The following CGNL1 variants were observed in gnomAD, a reference collection of about 807,000 sequenced individuals.
The protein encoded by CGNL1 is cingulin like 1, also known as cingulin-like protein 1.
In CGNL1, 132 loss-of-function variants were observed where a neutral mutation model predicts 141.2. The ratio of observed to expected loss-of-function variants is 0.93; its 90% confidence interval spans 0.81 to 1.08. The LOEUF is 1.08. Among genes scored for constraint, CGNL1 ranks in the 50% least tolerant of loss-of-function variants. The pLI, the probability that CGNL1 is intolerant of heterozygous loss-of-function variation, is 0.00. For missense variants in CGNL1, 1,870 were observed against 1,588.6 expected, an observed-to-expected ratio of 1.18 and a Z score of -3.01; for synonymous variants, 690 against 622.1, an observed-to-expected ratio of 1.11 and a Z score of -1.63.
At chr15:57,445,647 A>G (rs2063241425) in intron 4 of CGNL1, among the ~76,000 whole-genome samples, 1 of 152,200 alleles carries the variant, frequency 6.6e-6, no homozygotes, top group South Asian at 2.1e-4. Context: ...TTGTGTTTCT[A>G]ATCATCTTCA....
At chr15:57,421,023 T>G (rs1315481979) in intron 1 of CGNL1, among the ~76,000 whole-genome samples, 1 of 152,150 alleles carries the variant, frequency 6.6e-6, no homozygotes, top group African/African-American at 2.4e-5. Context: ...GATGGGATCT[T>G]TGGGAGGTAA....
chr15:57,426,772 A>C (rs1374462197), intron 1 of CGNL1, among the ~76,000 whole-genome samples: 1 of 152,084 alleles, frequency 6.6e-6, no homozygotes, highest in South Asian at 2.1e-4. Flanking sequence ...AGACACATTC[A>C]TGCTTTGAAA....
intron 8 of CGNL1, among the ~76,000 whole-genome samples, chr15:57,491,041 G>A (rs1163729777): frequency 6.6e-6 from 1 of 152,112 alleles, no homozygotes; most frequent in East Asian, 1.9e-4. Flanking sequence ...TATGATGACC[G>A]AATGTGATGG....
At chr15:57,381,531 A>C (rs892767835) in intron 1 of CGNL1, among the ~76,000 whole-genome samples, 1 of 152,184 alleles carries the variant, frequency 6.6e-6, no homozygotes, top group Non-Finnish European at 1.5e-5. Context: ...ACTGCACTCC[A>C]GCCTGAGTCA....
At chr15:57,466,801 TAGG>T (rs1262432438) in intron 8 of CGNL1, among the ~76,000 whole-genome samples, 47 of 152,322 alleles carry the variant, frequency 3.1e-4, no homozygotes, top group Non-Finnish European at 1.5e-4. Context: ...TCTTGTTTGT[TAGG>T]AGCAGTATCA....
At chr15:57,494,802 C>T (rs1173716714) in intron 8 of CGNL1, among the ~76,000 whole-genome samples, 1 of 152,190 alleles carries the variant, frequency 6.6e-6, no homozygotes, top group East Asian at 1.9e-4. Flanking sequence ...CAAGGGTGTT[C>T]CCTGGAAACT....
chr15:57,468,740 T>C (rs778675546), intron 8 of CGNL1, among the ~76,000 whole-genome samples: 1 of 152,152 alleles, frequency 6.6e-6, no homozygotes, highest in Non-Finnish European at 1.5e-5. Context: ...CTAAATCTCG[T>C]CTTGAATTGT....
rs905229029 is a variant in CGNL1 at position 57,460,995 on chromosome 15, C to T, written c.2191-685C>T. On this transcript the variant is annotated intron_variant, in intron 7 of 18. Transcript: ENST00000281282. Reference sequence around the variant, plus strand: ...GGAAGAGCAAAGGTGTCTGTGAGGGCGAGTCCTGAGCTGGAAAACTGAGAA... The same window carrying T: ...GGAAGAGCAAAGGTGTCTGTGAGGGTGAGTCCTGAGCTGGAAAACTGAGAA... Among the ~76,000 whole-genome samples the T allele has an allele frequency of 1.1e-4, 17 of 151,926 alleles. 1 individual carries two copies. In the South Asian group the frequency reaches 1.5e-3, roughly 13 times the overall value.
chr15:57,502,161 T>C (rs2064034062), intron 8 of CGNL1, among the ~76,000 whole-genome samples: 2 of 152,098 alleles, frequency 1.3e-5, no homozygotes, highest in Non-Finnish European at 2.9e-5. Context: ...CAGTTTAGCC[T>C]AAGAGGAAAA....
intron 8 of CGNL1, among the ~76,000 whole-genome samples, chr15:57,471,082 T>C (rs1366359723): frequency 6.6e-6 from 1 of 152,228 alleles, no homozygotes; most frequent in South Asian, 2.1e-4. Context: ...AGAAAAAATA[T>C]TGATTTGGCT....
intron 18 of CGNL1, among the ~76,000 whole-genome samples, 171 bp downstream of exon 18, chr15:57,546,410 A>T (rs1393431595): frequency 6.6e-6 from 1 of 152,170 alleles, no homozygotes; most frequent in Non-Finnish European, 1.5e-5. Flanking sequence ...GTCACCTTAC[A>T]TGGGCAGTAG....
chr15:57,424,425 G>T (rs12914093), intron 1 of CGNL1, among the ~76,000 whole-genome samples: 41,419 of 152,010 alleles, frequency 0.27, 5,690 homozygotes, highest in East Asian at 0.35. Context: ...CCCTACCAGA[G>T]TGTGGGTTCT....
At chr15:57,407,518 T>A (rs1345199114) in intron 1 of CGNL1, among the ~76,000 whole-genome samples, 1 of 151,824 alleles carries the variant, frequency 6.6e-6, no homozygotes, top group South Asian at 2.1e-4. Flanking sequence ...ACAAAAAAAA[T>A]TTAAAAATAA....
intron 8 of CGNL1, among the ~76,000 whole-genome samples, chr15:57,484,467 C>CT (rs1243833529): frequency 6.6e-6 from 1 of 152,058 alleles, no homozygotes; most frequent in South Asian, 2.1e-4. Flanking sequence ...GTATTTTATC[C>CT]TTTTTTTCTT....
In CGNL1 at chr15:57,512,069, C is replaced by A. The variant is rs540806536; in HGVS notation, c.2404-4711C>A. 5.3e-5 allele frequency among the ~76,000 whole-genome samples: 8 copies of A among 152,272 alleles called. No homozygotes were observed. The East Asian group carries it at 1.5e-3, about 29-fold the overall frequency. Reference sequence around the variant, plus strand: ...GAACTTCCACTTGAGTTGCTCTTTACCAGCTCTGTCTTGGTGCAGTTCTGC... The same window carrying A: ...GAACTTCCACTTGAGTTGCTCTTTAACAGCTCTGTCTTGGTGCAGTTCTGC... On this transcript the variant is annotated intron_variant, in intron 8 of 18. Transcript: ENST00000281282.
At chr15:57,377,981 T>A (rs1292969729) in intron 1 of CGNL1, among the ~76,000 whole-genome samples, 1 of 152,218 alleles carries the variant, frequency 6.6e-6, no homozygotes, top group Non-Finnish European at 1.5e-5. Context: ...GTTTTGTGGT[T>A]GATATTTGTG....
intron 12 of CGNL1, among the ~76,000 whole-genome samples, chr15:57,526,150 A>G (rs1358779137): frequency 2.0e-5 from 3 of 151,310 alleles, no homozygotes; most frequent in East Asian, 3.9e-4. Context: ...GGAGACCAGT[A>G]TTGTTTATAA....
chr15:57,461,658 C>A, intron 7 of CGNL1, 22 bp from the exon 8 acceptor site: 1 of 1,603,570 alleles, frequency 6.2e-7, no homozygotes, highest in Non-Finnish European at 8.5e-7. Context: ...TCACCTTCTC[C>A]CTTCGTGTTT....
intron 8 of CGNL1, among the ~76,000 whole-genome samples, chr15:57,481,790 T>C (rs2101749): frequency 0.018 from 2,685 of 152,286 alleles, 82 homozygotes; most frequent in African/African-American, 0.061. Flanking sequence ...GGAGTGCAAT[T>C]GCTAGGATGA....
Sources: gnomAD v4.1 joint callset for allele counts (sites outside exome capture counted in the v4.1 genomes callset) on GRCh38, gnomAD v4.1.1 for gene constraint, MANE v1.5 for transcripts, NCBI Gene and HGNC (gene_info 2026-07-23, HGNC 2026-07-21) for gene names.